Variants in CA10 observed in about 807,000 individuals in gnomAD.
CA10 encodes the protein carbonic anhydrase 10 (inactive).
Under a neutral mutation model 44.2 loss-of-function variants are expected in CA10, and 14 were observed. The observed-to-expected ratio is 0.32, with a 90% CI of 0.21 to 0.50. The LOEUF (loss-of-function observed/expected upper bound fraction) is 0.50. Among genes scored for constraint, CA10 ranks in the 20% least tolerant of loss-of-function variants. The pLI, the probability that CA10 is intolerant of heterozygous loss-of-function variation, is 0.99. For missense variants in CA10, 350 were observed against 409.7 expected (o/e 0.85, Z 1.26); for synonymous variants, 159 against 141.6 (o/e 1.12, Z -0.87).
intron 2 of CA10, among the ~76,000 whole-genome samples, chr17:51,988,883 T>C (rs1310925689): frequency 6.6e-6 from 1 of 152,072 alleles, no homozygotes; most frequent in Non-Finnish European, 1.5e-5. Context: ...TTCAAAAATA[T>C]AACCAATATA....
intron 8 of CA10, among the ~76,000 whole-genome samples, chr17:51,632,771 A>G (rs1341840174): frequency 6.6e-6 from 1 of 152,158 alleles, no homozygotes; most frequent in East Asian, 1.9e-4. Context: ...TTCCACACTG[A>G]GTGTTTACCA....
chr17:51,678,128 C>T (rs932017635), intron 4 of CA10, among the ~76,000 whole-genome samples: 2 of 152,136 alleles, frequency 1.3e-5, no homozygotes, highest in African/African-American at 4.8e-5. Context: ...TGAAAGAAAG[C>T]AGACCAAAAA....
chr17:52,105,086 T>C (rs1988628889), intron 1 of CA10, among the ~76,000 whole-genome samples: 1 of 152,118 alleles, frequency 6.6e-6, no homozygotes, highest in South Asian at 2.1e-4. Flanking sequence ...TTTAAAAAGC[T>C]TCTCAGGTGA....
intron 4 of CA10, among the ~76,000 whole-genome samples, chr17:51,682,586 A>C: frequency 6.6e-6 from 1 of 152,184 alleles, no homozygotes. Context: ...AATGAAGAGA[A>C]TTCAAAAAAC....
intron 3 of CA10, among the ~76,000 whole-genome samples, chr17:51,904,622 T>C (rs1438895202): frequency 6.6e-6 from 1 of 152,154 alleles, no homozygotes; most frequent in Admixed American, 6.6e-5. Flanking sequence ...AATAAAAATA[T>C]GCATTTGGAA....
intron 1 of CA10, among the ~76,000 whole-genome samples, chr17:52,086,830 A>G (rs1442722538): frequency 6.6e-6 from 1 of 152,240 alleles, no homozygotes; most frequent in African/African-American, 2.4e-5. Flanking sequence ...TTTAGATGAT[A>G]AATTATGTGA....
At chr17:51,756,151 G>T (rs1207898027) in intron 3 of CA10, among the ~76,000 whole-genome samples, 2 of 151,406 alleles carry the variant, frequency 1.3e-5, no homozygotes. Context: ...CTATAAACAC[G>T]CTGGGAGCTG....
At chr17:52,073,035 G>C (rs1987726754) in intron 1 of CA10, among the ~76,000 whole-genome samples, 1 of 152,068 alleles carries the variant, frequency 6.6e-6, no homozygotes, top group African/African-American at 2.4e-5. Context: ...GTTGACAAGT[G>C]AATTGGGGCA....
chr17:51,923,131 C>T (rs891214525), intron 3 of CA10, among the ~76,000 whole-genome samples: 2 of 152,132 alleles, frequency 1.3e-5, no homozygotes, highest in Non-Finnish European at 2.9e-5. Context: ...ACCTTTGGTG[C>T]TTAAAGACAG....
intron 4 of CA10, among the ~76,000 whole-genome samples, chr17:51,744,349 T>A (rs913500431): frequency 6.6e-6 from 1 of 151,940 alleles, no homozygotes; most frequent in African/African-American, 2.4e-5. Flanking sequence ...TGTATAGAAT[T>A]TCAGCATCAG....
At chr17:52,043,187 ACAACGTTAATCCTTC>A (rs1334682893) in intron 2 of CA10, among the ~76,000 whole-genome samples, 2 of 152,040 alleles carry the variant, frequency 1.3e-5, no homozygotes, top group Admixed American at 6.6e-5. Context: ...GAGCATTTTA[ACAACGTTAATCCTTC>A]CAATTCATTA....
intron 4 of CA10, among the ~76,000 whole-genome samples, chr17:51,690,280 A>T (rs1915148746): frequency 6.6e-6 from 1 of 152,214 alleles, no homozygotes; most frequent in Non-Finnish European, 1.5e-5. Flanking sequence ...ACCACAATAC[A>T]TTGCTATTAA....
chr17:51,879,552 C>T (rs1290170388), intron 3 of CA10, among the ~76,000 whole-genome samples: 1 of 152,058 alleles, frequency 6.6e-6, no homozygotes, highest in African/African-American at 2.4e-5. Flanking sequence ...AAATAAAGAC[C>T]TACATCAACG....
intron 2 of CA10, among the ~76,000 whole-genome samples, chr17:51,935,401 A>T (rs760480480): frequency 6.6e-6 from 1 of 152,186 alleles, no homozygotes; most frequent in Non-Finnish European, 1.5e-5. Flanking sequence ...AGCAAAATAG[A>T]GTAAGAATCA....
intron 3 of CA10, among the ~76,000 whole-genome samples, chr17:51,875,583 A>G (rs1980034850): frequency 6.6e-6 from 1 of 152,118 alleles, no homozygotes; most frequent in African/African-American, 2.4e-5. Context: ...CTGCACCCCA[A>G]TCTCTGGGAC....
At chr17:51,939,103 C>T (rs1382842639) in intron 2 of CA10, among the ~76,000 whole-genome samples, 1 of 152,000 alleles carries the variant, frequency 6.6e-6, no homozygotes, top group East Asian at 1.9e-4. Flanking sequence ...TTTCAGTATA[C>T]TCCTACAAAC....
At chr17:52,049,236 T>A (rs1308653360) in intron 2 of CA10, among the ~76,000 whole-genome samples, 1 of 152,080 alleles carries the variant, frequency 6.6e-6, no homozygotes, top group Non-Finnish European at 1.5e-5. Flanking sequence ...CTCAGAATAG[T>A]ACCATGGCAG....
rs150686048 is a variant in CA10 at position 51,862,957 on chromosome 17, C to T, written c.279+68033G>A. Reference sequence around the variant, plus strand: ...ATCAATACTCTAGACATTAAGGCTTCAATACATGAATGTGGAGGGGAGGCA... The same window carrying T: ...ATCAATACTCTAGACATTAAGGCTTTAATACATGAATGTGGAGGGGAGGCA... On this transcript the variant is annotated intron_variant, in intron 3 of 8. Transcript: ENST00000451037. Among the ~76,000 whole-genome samples, 114 of 152,160 alleles carry T rather than the reference C, an allele frequency of 7.5e-4. 1 individual carries two copies. Among genetic ancestry groups the T allele is most frequent in the African/African-American group, 2.6e-3 (108 of 41,506 alleles).
intron 2 of CA10, among the ~76,000 whole-genome samples, chr17:51,998,203 G>A (rs982680915): frequency 2.0e-5 from 3 of 152,050 alleles, no homozygotes; most frequent in Admixed American, 2.0e-4. Context: ...ACCCACCCTA[G>A]ACTGCTACAT....
Sources: gnomAD v4.1 joint callset for allele counts (sites outside exome capture counted in the v4.1 genomes callset) on GRCh38, gnomAD v4.1.1 for gene constraint, MANE v1.5 for transcripts, NCBI Gene and HGNC (gene_info 2026-07-23, HGNC 2026-07-21) for gene names.